ZNF644: variants seen among roughly 807,000 people sequenced by gnomAD.
The protein encoded by ZNF644 is zinc finger motif enhancer binding protein 2.
Under a neutral mutation model 108.0 loss-of-function variants are expected in ZNF644, and 20 were observed. That is an observed-to-expected ratio of 0.19 (90% CI 0.13 to 0.27). The LOEUF is 0.27. ZNF644 is among the 10% of genes least tolerant of loss of function. The pLI, the probability that ZNF644 is intolerant of heterozygous loss-of-function variation, is 1.00. For synonymous variants in ZNF644, 542 were observed against 539.1 expected (o/e 1.01, Z -0.08); for missense variants, 1,338 against 1,548.9 (o/e 0.86, Z 2.29).
rs193167060 is a variant in ZNF644, at chr1:90,937,907, T to C, written c.3266A>G (p.Tyr1089Cys). ...GTTCAATGCCTTTAAGATTTTTTCA[T>C]ATTTTTCTTCATTTTGCATCATCTC... ...LNEMMQNEEKYEKILKALNSR... is the reference protein window; with the variant it reads ...LNEMMQNEEKCEKILKALNSR... Residue 1089 changes from tyrosine to cysteine, a missense_variant, in exon 4 of 6, where the codon TAT (tyrosine) becomes TGT (cysteine). By Grantham distance (194) the Tyr-to-Cys change is radical (BLOSUM62 -2). Coordinates refer to ENST00000337393, the MANE Select transcript of ZNF644 (RefSeq NM_201269.3). The C allele has an allele frequency of 7.2e-5, 116 of 1,613,798 alleles. No individual in the cohort carries two copies. In the East Asian group the frequency reaches 2.1e-3, roughly 29 times the overall value.
intron 2 of ZNF644, among the ~76,000 whole-genome samples, chr1:90,953,268 A>G (rs1653381944): frequency 6.6e-6 from 1 of 151,672 alleles, no homozygotes; most frequent in Non-Finnish European, 1.5e-5. Flanking sequence ...CGACTGCAAT[A>G]AAGTGAATAC....
chr1:90,936,051 A>G (rs1422117625), intron 4 of ZNF644, among the ~76,000 whole-genome samples: 1 of 152,246 alleles, frequency 6.6e-6, no homozygotes, highest in Non-Finnish European at 1.5e-5. Flanking sequence ...GCTGTTAGAC[A>G]CAACATTTTA....
At chr1:91,007,466 G>A (rs543436952) in intron 1 of ZNF644, among the ~76,000 whole-genome samples, 147 of 151,654 alleles carry the variant, frequency 9.7e-4, no homozygotes, top group African/African-American at 3.3e-3. Context: ...CGCCCACCTC[G>A]ACCACCCAAA....
chr1:90,986,953 T>A (rs1330258425), intron 1 of ZNF644, among the ~76,000 whole-genome samples: 1 of 151,524 alleles, frequency 6.6e-6, no homozygotes, highest in Non-Finnish European at 1.5e-5. Flanking sequence ...TACAAAGAAA[T>A]TTTTTAAATA....
At position 90,915,898 on chromosome 1, in the gene ZNF644, T is replaced by C. The variant is rs751888500; in HGVS notation, c.*900A>G. 1 of 152,538 alleles carries C rather than the reference T, an allele frequency of 6.6e-6. No homozygotes were observed. The highest frequency in any genetic ancestry group is 1.5e-5 in the Non-Finnish European group (1 of 68,002). 9.4% of individuals were successfully genotyped at this position (152,538 alleles called of 1,614,324 possible). A position where few individuals can be genotyped will look rare whatever the true frequency, so the allele number is the denominator to read the frequency against. On this transcript the variant is annotated 3_prime_UTR_variant, in exon 6 of 6. Coordinates refer to ENST00000337393, the MANE Select transcript of ZNF644 (RefSeq NM_201269.3). ...TTGTTTATTAATTACATTTCTACAA[T>C]GTTAAATAAAGTAAGAGGCAAACCT...
chr1:90,985,684 C>T (rs753475314), intron 1 of ZNF644, among the ~76,000 whole-genome samples: 2 of 152,132 alleles, frequency 1.3e-5, no homozygotes, highest in Admixed American at 6.6e-5. Context: ...ATATATACCA[C>T]GTTTATCCTT....
In ZNF644 at chr1:90,937,810, A is replaced by G. The variant is rs375184903; in HGVS notation, c.3363T>C (p.Asn1121=). The G allele has an allele frequency of 1.1e-5, 17 of 1,613,812 alleles. No homozygotes were observed. The highest frequency in any genetic ancestry group is 8.9e-5 in the East Asian group (4 of 44,882). The change falls in exon 4 of 6, where the codon AAT becomes AAC. Residue 1121 remains asparagine (N), a synonymous_variant. Coordinates refer to ENST00000337393, the MANE Select transcript of ZNF644 (RefSeq NM_201269.3). ...TACGGTATGCTTCAAGAGGTATAAC[A>G]TTTTGAGATATAAAGTCATCACTTG... ...LASSDDFISQ[N]VIPLEAYRNG...
In ZNF644 at chr1:90,924,741, G is replaced by A. The variant is rs1570339438; in HGVS notation, c.3689-6587C>T. On this transcript the variant is annotated intron_variant, in intron 4 of 5. Transcript: ENST00000337393. Reference sequence around the variant, plus strand: ...TCAAACTATAACCAAACATGGTATTGATCAGATATTTTCTGTTTTAGCCAA... The same window carrying A: ...TCAAACTATAACCAAACATGGTATTAATCAGATATTTTCTGTTTTAGCCAA... Among the ~76,000 whole-genome samples, 9 of 152,060 alleles carry A rather than the reference G, an allele frequency of 5.9e-5. 2 individuals carry two copies. Among genetic ancestry groups the A allele is most frequent in the Admixed American group, 5.9e-4 (9 of 15,274 alleles).
Position 90,937,600 on chromosome 1 carries a change from T to C in ZNF644, c.3573A>G (p.Gln1191=). 9 of 1,613,974 alleles carry C rather than the reference T, an allele frequency of 5.6e-6. No individual in the cohort carries two copies. The highest frequency in any genetic ancestry group is 7.6e-6 in the Non-Finnish European group (9 of 1,179,866). ...GEERNSAISP[Q]KIHNQTARKR... ...TTCTTGCTGTCTGATTATGGATCTTTTGAGGAGAAATAGCAGAATTCCTTT... is the reference window on the plus strand; with the variant it reads ...TTCTTGCTGTCTGATTATGGATCTTCTGAGGAGAAATAGCAGAATTCCTTT... Residue 1191 remains glutamine, a synonymous_variant, in exon 4 of 6, where the codon CAA becomes CAG. Coordinates refer to ENST00000337393, the MANE Select transcript of ZNF644 (RefSeq NM_201269.3).
At chr1:91,016,578 TG>T (rs1660452162) in intron 1 of ZNF644, among the ~76,000 whole-genome samples, 1 of 152,224 alleles carries the variant, frequency 6.6e-6, no homozygotes, top group Non-Finnish European at 1.5e-5. Flanking sequence ...CCATCGTAAA[TG>T]CAGTCCACTA....
intron 4 of ZNF644, among the ~76,000 whole-genome samples, chr1:90,932,873 C>T (rs1333599965): frequency 6.6e-6 from 1 of 151,992 alleles, no homozygotes; most frequent in Non-Finnish European, 1.5e-5. Context: ...AAATAAGACC[C>T]TAGGCTTTCT....
intron 2 of ZNF644, among the ~76,000 whole-genome samples, chr1:90,971,443 C>G (rs2101301393): frequency 1.3e-5 from 2 of 151,834 alleles, no homozygotes; most frequent in East Asian, 3.9e-4. Context: ...GGTGGGGGGA[C>G]AGAGTCTCAC....
At chr1:90,936,860 G>A (rs1267328583) in intron 4 of ZNF644, among the ~76,000 whole-genome samples, 1 of 152,156 alleles carries the variant, frequency 6.6e-6, no homozygotes, top group African/African-American at 2.4e-5. Context: ...TGTTCCATTA[G>A]AGCACTATCT....
At chr1:90,968,147 T>C (rs369147851) in intron 2 of ZNF644, among the ~76,000 whole-genome samples, 1 of 151,436 alleles carries the variant, frequency 6.6e-6, no homozygotes, top group African/African-American at 2.4e-5. Flanking sequence ...GTAATAGAAA[T>C]TGTCATTATA....
rs76755579 is a variant in ZNF644 at position 90,966,855 on chromosome 1, A to T, written c.44+15455T>A. 3.4e-3 allele frequency among the ~76,000 whole-genome samples: 522 copies of T among 151,810 alleles called. 3 individuals are homozygous for T. The highest frequency in any genetic ancestry group is 6.0e-3 in the Non-Finnish European group (409 of 67,940). On this transcript the variant is annotated intron_variant, in intron 2 of 5. Transcript: ENST00000337393. ...GCAGTAAGTAAGAGCTGAGCAGCTCACGTGATAGGAGCACTTTGGGAGGCT... is the reference window on the plus strand; with the variant it reads ...GCAGTAAGTAAGAGCTGAGCAGCTCTCGTGATAGGAGCACTTTGGGAGGCT...
intron 1 of ZNF644, among the ~76,000 whole-genome samples, chr1:90,986,966 C>T (rs761094245): frequency 1.3e-5 from 2 of 150,182 alleles, no homozygotes; most frequent in African/African-American, 4.9e-5. Context: ...TTTAAATATC[C>T]GGAGACAAAA....
intron 4 of ZNF644, among the ~76,000 whole-genome samples, chr1:90,931,440 C>T (rs1650717838): frequency 6.6e-6 from 1 of 150,908 alleles, no homozygotes; most frequent in African/African-American, 2.4e-5. Flanking sequence ...AATAAGAAGT[C>T]TGCCTTAAAT....
chr1:90,970,611 G>A lies in ZNF644; in HGVS notation c.44+11699C>T, dbSNP rs540422602. Among the ~76,000 whole-genome samples, 16 of 152,224 alleles carry A rather than the reference G, an allele frequency of 1.1e-4. 1 individual carries two copies. The South Asian group carries it at 2.9e-3, about 28-fold the overall frequency. Reference sequence around the variant, plus strand: ...ATGACTCTGGCAATGGTGTGTGTGCGAATATCTCCTTTGACATTGTAAAGT... The same window carrying A: ...ATGACTCTGGCAATGGTGTGTGTGCAAATATCTCCTTTGACATTGTAAAGT... On this transcript the variant is annotated intron_variant, in intron 2 of 5. Coordinates refer to ENST00000337393, the MANE Select transcript of ZNF644 (RefSeq NM_201269.3).
chr1:90,983,355 C>G (rs556806900), intron 1 of ZNF644, among the ~76,000 whole-genome samples: 130 of 151,782 alleles, frequency 8.6e-4, no homozygotes, highest in African/African-American at 2.9e-3. Flanking sequence ...AAAAACTAAA[C>G]TATAAAATAA....
Sources: allele counts gnomAD v4.1 joint callset (sites outside exome capture counted in the v4.1 genomes callset), GRCh38; gene constraint gnomAD v4.1.1; transcripts MANE v1.5; gene names NCBI Gene and HGNC (gene_info 2026-07-23, HGNC 2026-07-21).